SHTN1: variants seen among roughly 807,000 people sequenced by gnomAD.
SHTN1 encodes the protein shootin-1.
Under a neutral mutation model 83.1 loss-of-function variants are expected in SHTN1, and 42 were observed. The observed-to-expected ratio is 0.51, with a 90% CI of 0.39 to 0.65. The LOEUF (loss-of-function observed/expected upper bound fraction) is 0.65, where lower values mean the gene tolerates loss of function less well. Ranked by LOEUF, SHTN1 falls within the 30% of genes least tolerant of loss-of-function variation. The pLI, the probability that SHTN1 is intolerant of heterozygous loss-of-function variation, is 0.00. For synonymous variants in SHTN1, 224 were observed against 247.7 expected (o/e 0.90, Z 0.90); for missense variants, 622 against 737.8 (o/e 0.84, Z 1.82).
intron 11 of SHTN1, among the ~76,000 whole-genome samples, chr10:116,925,629 T>A (rs992851339): frequency 1.3e-5 from 2 of 152,306 alleles, no homozygotes; most frequent in African/African-American, 2.4e-5. Context: ...GATATACACA[T>A]TCTATTGGTT....
At chr10:117,099,851 T>C (rs184790511) in intron 1 of SHTN1, among the ~76,000 whole-genome samples, 80 of 152,224 alleles carry the variant, frequency 5.3e-4, no homozygotes, top group African/African-American at 1.9e-3. Context: ...TATGAGCCTA[T>C]AAAATGAATA....
chr10:117,063,191 T>C (rs1476135476), intron 1 of SHTN1, among the ~76,000 whole-genome samples: 2 of 152,234 alleles, frequency 1.3e-5, no homozygotes, highest in Non-Finnish European at 2.9e-5. Context: ...GATAATATCA[T>C]GGCTAGGAAT....
intron 1 of SHTN1, among the ~76,000 whole-genome samples, chr10:117,117,531 A>G (rs983381962): frequency 3.3e-5 from 5 of 152,222 alleles, no homozygotes; most frequent in Non-Finnish European, 5.9e-5. Context: ...ACAGACATAG[A>G]AAACAAAAAT....
chr10:116,953,148 G>A (rs1849834070), intron 5 of SHTN1, among the ~76,000 whole-genome samples: 1 of 152,106 alleles, frequency 6.6e-6, no homozygotes, highest in Non-Finnish European at 1.5e-5. Flanking sequence ...CTTTTGACCT[G>A]TGTACTAAAT....
rs191113141 is a variant in SHTN1, at chr10:116,970,645, C to T, written c.112-1933G>A. On this transcript the variant is annotated intron_variant, in intron 2 of 16. Transcript: ENST00000355371. Reference sequence around the variant, plus strand: ...AGGAGAACTGCTTGAACCCATGAGGCGGAGGTTGCAGTGAGCCAAGATCAT... The same window carrying T: ...AGGAGAACTGCTTGAACCCATGAGGTGGAGGTTGCAGTGAGCCAAGATCAT... 4.1e-4 allele frequency among the ~76,000 whole-genome samples: 61 copies of T among 149,958 alleles called. 1 individual carries two copies. Among genetic ancestry groups the T allele is most frequent in the Middle Eastern group, 3.5e-3 (1 of 286 alleles).
intron 12 of SHTN1, among the ~76,000 whole-genome samples, chr10:116,915,711 G>A (rs1167148191): frequency 6.6e-6 from 1 of 152,148 alleles, no homozygotes; most frequent in African/African-American, 2.4e-5. Flanking sequence ...ATAAAAATTT[G>A]TAGCCTGGAT....
intron 10 of SHTN1, among the ~76,000 whole-genome samples, chr10:116,928,205 C>T (rs1347635729): frequency 2.0e-5 from 3 of 151,980 alleles, no homozygotes; most frequent in Admixed American, 6.6e-5. Flanking sequence ...TTGTTAACAA[C>T]GAAGTATATG....
At chr10:116,934,468 A>G (rs993020236) in intron 9 of SHTN1, among the ~76,000 whole-genome samples, 9 of 152,192 alleles carry the variant, frequency 5.9e-5, no homozygotes, top group African/African-American at 2.2e-4. Context: ...GTCAAAGATC[A>G]GATGGTTGTA....
chr10:117,098,202 C>A (rs1853534826), intron 1 of SHTN1, among the ~76,000 whole-genome samples: 1 of 133,752 alleles, frequency 7.5e-6, no homozygotes. Flanking sequence ...TCCTGGCTAA[C>A]ACGGTGAAAT....
At chr10:116,930,911 A>G (rs1267651305) in intron 9 of SHTN1, among the ~76,000 whole-genome samples, 1 of 152,204 alleles carries the variant, frequency 6.6e-6, no homozygotes, top group Non-Finnish European at 1.5e-5. Flanking sequence ...ACTTTTTAGT[A>G]ACAGCTATTC....
chr10:116,972,750 C>T (rs180759825), intron 2 of SHTN1, among the ~76,000 whole-genome samples: 5 of 152,304 alleles, frequency 3.3e-5, no homozygotes, highest in South Asian at 2.1e-4. Context: ...TGATGCCCAA[C>T]GATTCTCTGT....
At chr10:117,116,564 G>A (rs1039922743) in intron 1 of SHTN1, among the ~76,000 whole-genome samples, 2 of 151,890 alleles carry the variant, frequency 1.3e-5, no homozygotes, top group Non-Finnish European at 2.9e-5. Flanking sequence ...ATTCTATAAG[G>A]CCAACATTAC....
intron 7 of SHTN1, among the ~76,000 whole-genome samples, chr10:116,948,651 T>A (rs182359309): frequency 2.8e-3 from 425 of 152,262 alleles, no homozygotes; most frequent in African/African-American, 1.0e-2. Flanking sequence ...CCTGGATATA[T>A]GTAAGACAGA....
intron 2 of SHTN1, among the ~76,000 whole-genome samples, chr10:117,027,294 G>A (rs979793407): frequency 6.6e-6 from 1 of 152,064 alleles, no homozygotes; most frequent in Non-Finnish European, 1.5e-5. Flanking sequence ...GAGTTCTCAT[G>A]AGATCTGGTC....
chr10:116,906,651 C>G lies in SHTN1; in HGVS notation c.1456G>C (p.Val486Leu), dbSNP rs200045766. ...CTACTGCTATCTGCTTCTGCTGTCACCTTTCTGCGACGCAAAATCCTTTCT... is the reference window on the plus strand; with the variant it reads ...CTACTGCTATCTGCTTCTGCTGTCAGCTTTCTGCGACGCAAAATCCTTTCT... The part of the protein sequence containing the change: ...ELERILRRRK[V>L]TAEADSSSPT... The change falls in exon 15 of 17, where the codon GTG (valine) becomes CTG (leucine). Residue 486 changes from valine (V) to leucine (L), a missense_variant. Val to Leu is a conservative substitution (Grantham distance 32). Around this residue, in one of 3 missense-constraint regions of SHTN1, gnomAD observed 231 missense variants for 251.6 expected, o/e 0.92. Coordinates refer to ENST00000355371, the MANE Select transcript of SHTN1 (RefSeq NM_001127211.3). 1 of 1,613,328 alleles carries G rather than the reference C, an allele frequency of 6.2e-7. No individual in the cohort carries two copies. The highest frequency in any genetic ancestry group is 1.1e-5 in the South Asian group (1 of 90,982).
At chr10:116,989,260 G>A (rs1191946947) in intron 1 of SHTN1, among the ~76,000 whole-genome samples, 2 of 152,080 alleles carry the variant, frequency 1.3e-5, no homozygotes, top group Non-Finnish European at 2.9e-5. Flanking sequence ...GACTAATATT[G>A]ATACACTGCT....
chr10:116,950,680 G>T (rs1038706651), intron 6 of SHTN1, among the ~76,000 whole-genome samples: 1 of 152,130 alleles, frequency 6.6e-6, no homozygotes, highest in Non-Finnish European at 1.5e-5. Context: ...CTATTAACTG[G>T]TTCTTTTAGT....
Position 116,886,363 on chromosome 10 carries a change from G to C in SHTN1, c.1877C>G (p.Thr626Arg), listed in dbSNP as rs552881857. The C allele has an allele frequency of 4.5e-5, 70 of 1,554,408 alleles. No homozygotes were observed. The highest frequency in any genetic ancestry group is 5.7e-5 in the Non-Finnish European group (66 of 1,148,016). Residue 626 changes from threonine to arginine, a missense_variant, in exon 17 of 17, where the codon ACA (threonine) becomes AGA (arginine). Physicochemically the swap from Thr to Arg is moderately conservative, Grantham distance 71. This residue lies in a region of SHTN1 where 231 missense variants were observed against 251.6 expected (regional missense o/e 0.92). Coordinates refer to ENST00000355371, the MANE Select transcript of SHTN1 (RefSeq NM_001127211.3). ...KEDSIENVRE[T>R]DSSNC ...TATGGATCAGCAGTTGGAGCTGTCTGTCTCTCTCACGTTTTCAATGCTGTC... is the reference window on the plus strand; with the variant it reads ...TATGGATCAGCAGTTGGAGCTGTCTCTCTCTCTCACGTTTTCAATGCTGTC...
intron 9 of SHTN1, among the ~76,000 whole-genome samples, chr10:116,938,767 C>A (rs774089339): frequency 2.0e-5 from 3 of 152,094 alleles, no homozygotes; most frequent in Non-Finnish European, 4.4e-5. Context: ...GTGCCCACAG[C>A]CGCCTCTTTC....
Sources: gnomAD v4.1 joint callset for allele counts (sites outside exome capture counted in the v4.1 genomes callset) on GRCh38, gnomAD v4.1.1 for gene constraint, gnomAD v4.1.1 regional missense constraint, MANE v1.5 for transcripts, NCBI Gene and HGNC (gene_info 2026-07-23, HGNC 2026-07-21) for gene names.